G2E3: variants seen among roughly 807,000 people sequenced by gnomAD.
G2E3 encodes the protein G2/M phase-specific E3 ubiquitin-protein ligase.
In G2E3, 35 loss-of-function variants were observed where a neutral mutation model predicts 92.8. The ratio of observed to expected loss-of-function variants is 0.38; its 90% CI spans 0.29 to 0.50. G2E3 has a LOEUF of 0.50. G2E3 is among the 20% of genes least tolerant of loss of function. The pLI is 0.94. For missense variants in G2E3, 554 were observed against 823.8 expected (o/e 0.67, Z 4.01); for synonymous variants, 242 against 272.4 (o/e 0.89, Z 1.10).
intron 1 of G2E3, among the ~76,000 whole-genome samples, chr14:30,569,858 A>G (rs553113469): frequency 2.0e-5 from 3 of 152,316 alleles, no homozygotes; most frequent in Non-Finnish European, 4.4e-5. Flanking sequence ...ACATTCCCCA[A>G]ACATCCCAGG....
At chr14:30,578,282 T>C (rs977493802) in intron 1 of G2E3, among the ~76,000 whole-genome samples, 1 of 152,206 alleles carries the variant, frequency 6.6e-6, no homozygotes, top group Non-Finnish European at 1.5e-5. Flanking sequence ...GATACTGCTA[T>C]AATTTCAAGC....
At chr14:30,612,027 T>C in intron 12 of G2E3, 180 bp from the exon 13 acceptor site, 1 of 519,388 alleles carries the variant, frequency 1.9e-6, no homozygotes, top group Admixed American at 3.8e-5. Flanking sequence ...AAGGCAGAAA[T>C]AGACAAATTT....
intron 1 of G2E3, chr14:30,559,639 C>T (rs561161333): frequency 2.1e-4 from 32 of 152,286 alleles, no homozygotes; most frequent in African/African-American, 7.5e-4. Flanking sequence ...TTAAATCTCA[C>T]TGTGAAGGCG....
chr14:30,584,604 T>C (rs1334322163), intron 2 of G2E3, among the ~76,000 whole-genome samples: 2 of 152,290 alleles, frequency 1.3e-5, no homozygotes, highest in South Asian at 2.1e-4. Flanking sequence ...ACTGTTGTTA[T>C]TATTTACATT....
At chr14:30,590,364 G>C (rs1453875009) in intron 4 of G2E3, among the ~76,000 whole-genome samples, 2 of 152,158 alleles carry the variant, frequency 1.3e-5, no homozygotes. Context: ...GTGGAGGAGT[G>C]ACTAGGAAGT....
intron 1 of G2E3, among the ~76,000 whole-genome samples, chr14:30,566,714 A>G (rs183964024): frequency 2.0e-5 from 3 of 152,276 alleles, no homozygotes; most frequent in African/African-American, 7.2e-5. Context: ...ATTATTCTGA[A>G]TAGACCTTCT....
chr14:30,592,109 A>G (rs1213412335), intron 4 of G2E3, among the ~76,000 whole-genome samples: 1 of 152,104 alleles, frequency 6.6e-6, no homozygotes, highest in Non-Finnish European at 1.5e-5. Context: ...TGTTTTCTTT[A>G]TCGAAATTGT....
intron 7 of G2E3, 34 bp downstream of exon 7, chr14:30,597,560 A>G (rs751344633): frequency 2.9e-6 from 3 of 1,051,888 alleles, no homozygotes; most frequent in Non-Finnish European, 4.5e-6. Context: ...TAAAAAAAAG[A>G]TATTTTAAAT....
At chr14:30,605,430 A>G (rs968783399) in intron 10 of G2E3, 75 bp from the exon 11 acceptor site, 5 of 533,062 alleles carry the variant, frequency 9.4e-6, no homozygotes, top group Non-Finnish European at 1.6e-5. Flanking sequence ...GTCTTGTTTT[A>G]TTGGCTATAT....
intron 1 of G2E3, chr14:30,560,420 GTGC>G: frequency 4.7e-6 from 1 of 211,556 alleles, no homozygotes; most frequent in Non-Finnish European, 9.4e-6. Flanking sequence ...CCTTCATCCA[GTGC>G]TGGCTATTCC....
chr14:30,583,902 T>C (rs554439165), intron 2 of G2E3, among the ~76,000 whole-genome samples: 5 of 152,208 alleles, frequency 3.3e-5, no homozygotes, highest in Non-Finnish European at 7.3e-5. Context: ...TTTTGAGATA[T>C]ACAGTTTGGT....
chr14:30,606,521 A>G (rs1881838847), intron 11 of G2E3, among the ~76,000 whole-genome samples: 1 of 152,132 alleles, frequency 6.6e-6, no homozygotes, highest in Non-Finnish European at 1.5e-5. Context: ...AACTCCCTTT[A>G]AAATAAAATG....
chr14:30,587,842 C>T (rs1198785653), intron 3 of G2E3, among the ~76,000 whole-genome samples: 3 of 152,198 alleles, frequency 2.0e-5, no homozygotes, highest in Admixed American at 1.3e-4. Flanking sequence ...CACAGCCACA[C>T]ACTAATGTCA....
At chr14:30,563,994 CA>C (rs2138759385) in intron 1 of G2E3, among the ~76,000 whole-genome samples, 1 of 152,334 alleles carries the variant, frequency 6.6e-6, no homozygotes, top group African/African-American at 2.4e-5. Context: ...CCTGGGATTA[CA>C]GGCGTGAGCC....
At chr14:30,580,952 G>A in intron 1 of G2E3, 124 bp from the exon 2 acceptor site, 1 of 650,804 alleles carries the variant, frequency 1.5e-6, no homozygotes, top group South Asian at 1.7e-5. Context: ...TTAAAGGTAA[G>A]AAAAATTTAA....
chr14:30,568,630 T>A (rs1442625005), intron 1 of G2E3, among the ~76,000 whole-genome samples: 1 of 152,162 alleles, frequency 6.6e-6, no homozygotes. Flanking sequence ...CAACCTAGTT[T>A]GAATTAATAC....
intron 3 of G2E3, among the ~76,000 whole-genome samples, chr14:30,587,348 C>A (rs557639133): frequency 6.6e-6 from 1 of 152,276 alleles, no homozygotes; most frequent in Admixed American, 6.5e-5. Context: ...TTCCCCCTCC[C>A]CTCCACCAAT....
At chr14:30,592,283 T>G in intron 4 of G2E3, 40 bp from the exon 5 acceptor site, 3 of 1,582,860 alleles carry the variant, frequency 1.9e-6, no homozygotes, top group Non-Finnish European at 2.6e-6. Flanking sequence ...AATACTCAGA[T>G]TTTTTATGTT....
At chr14:30,581,336 G>A (rs549698837) in intron 2 of G2E3, among the ~76,000 whole-genome samples, 1 of 151,834 alleles carries the variant, frequency 6.6e-6, no homozygotes, top group African/African-American at 2.4e-5. Flanking sequence ...GATATGGTTC[G>A]TATCTCAATA....
Sources: allele counts gnomAD v4.1 joint callset (sites outside exome capture counted in the v4.1 genomes callset), GRCh38; gene constraint gnomAD v4.1.1; transcripts MANE v1.5; gene names NCBI Gene and HGNC (gene_info 2026-07-23, HGNC 2026-07-21).